PRKN: variants seen among roughly 807,000 people sequenced by gnomAD.
The protein encoded by PRKN is E3 ubiquitin-protein ligase parkin.
PRKN carries 56 observed loss-of-function variants against 59.5 expected under a neutral mutation model. That is an observed-to-expected ratio of 0.94 (90% CI 0.76 to 1.18). The LOEUF is 1.18. Among genes scored for constraint, PRKN ranks in the 50% most tolerant of loss-of-function variants. The pLI is 0.00. For missense variants in PRKN, 657 were observed against 596.4 expected, an observed-to-expected ratio of 1.10 and a Z score of -1.06; for synonymous variants, 250 against 222.1, an observed-to-expected ratio of 1.13 and a Z score of -1.12.
At chr6:161,504,527 C>CTTTTT (rs66831164) in intron 9 of PRKN, among the ~76,000 whole-genome samples, 91,385 of 149,104 alleles carry the variant, frequency 0.61, 28,355 homozygotes, top group Middle Eastern at 0.74. Flanking sequence ...GTGAAACTTT[C>CTTTTT]TTTTTTATTA....
intron 1 of PRKN, among the ~76,000 whole-genome samples, chr6:162,477,449 CTCTTA>C (rs1792074585): frequency 2.0e-5 from 3 of 152,136 alleles, no homozygotes; most frequent in Non-Finnish European, 1.5e-5. Flanking sequence ...ATCTATACTC[CTCTTA>C]TATCAACAGA....
At chr6:161,958,882 A>G (rs1253120685) in intron 6 of PRKN, among the ~76,000 whole-genome samples, 1 of 85,498 alleles carries the variant, frequency 1.2e-5, no homozygotes, top group Non-Finnish European at 3.5e-5. Flanking sequence ...CTCCATCTCA[A>G]AAAAAAAAAA....
chr6:161,744,863 T>C (rs529853779), intron 7 of PRKN, among the ~76,000 whole-genome samples: 1 of 152,346 alleles, frequency 6.6e-6, no homozygotes, highest in African/African-American at 2.4e-5. Context: ...CGGTGATAGA[T>C]GCCAGCAGCA....
At chr6:161,750,029 G>T (rs928643567) in intron 7 of PRKN, among the ~76,000 whole-genome samples, 2 of 151,638 alleles carry the variant, frequency 1.3e-5, no homozygotes, top group African/African-American at 4.9e-5. Flanking sequence ...GAATAGCCCA[G>T]TTGAAGCAAT....
intron 5 of PRKN, among the ~76,000 whole-genome samples, chr6:161,985,955 T>C (rs948727779): frequency 6.6e-6 from 1 of 152,336 alleles, no homozygotes; most frequent in East Asian, 1.9e-4. Flanking sequence ...TCAGTGTATC[T>C]ATCTTCAACC....
chr6:162,596,007 G>C (rs1194258469), intron 1 of PRKN, among the ~76,000 whole-genome samples: 1 of 150,912 alleles, frequency 6.6e-6, no homozygotes, highest in East Asian at 1.9e-4. Context: ...GATACATCTG[G>C]TGAAAAAAAA....
chr6:162,553,585 T>TAAAACACAG (rs1779419955), intron 1 of PRKN, among the ~76,000 whole-genome samples: 1 of 136,664 alleles, frequency 7.3e-6, no homozygotes, highest in Non-Finnish European at 1.6e-5. Context: ...GGAAAGAAAC[T>TAAAACACAG]AAAACACAGA....
chr6:161,811,395 T>A (rs764447550), intron 6 of PRKN, among the ~76,000 whole-genome samples: 2 of 152,180 alleles, frequency 1.3e-5, no homozygotes, highest in Non-Finnish European at 1.5e-5. Flanking sequence ...GCCAGTGTGG[T>A]ACTGGCATCA....
intron 5 of PRKN, among the ~76,000 whole-genome samples, chr6:161,987,670 C>T (rs1022490158): frequency 1.9e-4 from 29 of 151,820 alleles, no homozygotes; most frequent in African/African-American, 5.3e-4. Flanking sequence ...TATTTTCAGC[C>T]GATGATTGAA....
chr6:161,585,684 G>A (rs1284571882), intron 7 of PRKN, among the ~76,000 whole-genome samples: 2 of 152,172 alleles, frequency 1.3e-5, no homozygotes, highest in Non-Finnish European at 2.9e-5. Context: ...ATGAGTTTCA[G>A]GCTTTGTTGC....
At chr6:161,481,576 C>T (rs1791400493) in intron 9 of PRKN, among the ~76,000 whole-genome samples, 2 of 151,980 alleles carry the variant, frequency 1.3e-5, no homozygotes, top group African/African-American at 4.8e-5. Flanking sequence ...TGCACTAGAA[C>T]CTGGCGACAG....
intron 7 of PRKN, among the ~76,000 whole-genome samples, chr6:161,778,215 G>A (rs1470043484): frequency 9.2e-5 from 14 of 152,038 alleles, no homozygotes; most frequent in Admixed American, 1.3e-4. Flanking sequence ...ATTCCAATTT[G>A]TGGTGATCAA....
chr6:162,188,965 A>G (rs1313819187), intron 4 of PRKN, among the ~76,000 whole-genome samples: 3 of 152,144 alleles, frequency 2.0e-5, no homozygotes, highest in Non-Finnish European at 2.9e-5. Flanking sequence ...ATTATCTTCT[A>G]TAGGAGGGAA....
chr6:161,580,042 G>C (rs771948234), intron 7 of PRKN, among the ~76,000 whole-genome samples: 1 of 152,106 alleles, frequency 6.6e-6, no homozygotes, highest in Non-Finnish European at 1.5e-5. Flanking sequence ...ATGCTGGGGT[G>C]AGATACATTT....
chr6:162,491,641 C>A (rs1302442783), intron 1 of PRKN, among the ~76,000 whole-genome samples: 1 of 152,150 alleles, frequency 6.6e-6, no homozygotes, highest in Admixed American at 6.5e-5. Context: ...CCTGGGGGAG[C>A]AAGGCAGCTG....
intron 1 of PRKN, among the ~76,000 whole-genome samples, chr6:162,684,178 G>T (rs1251484705): frequency 6.6e-6 from 1 of 151,978 alleles, no homozygotes; most frequent in East Asian, 1.9e-4. Flanking sequence ...ATGCAGGCTG[G>T]ATTTTACTGA....
intron 2 of PRKN, among the ~76,000 whole-genome samples, chr6:162,319,995 A>G (rs2128121212): frequency 6.6e-6 from 1 of 151,960 alleles, no homozygotes; most frequent in East Asian, 1.9e-4. Flanking sequence ...TCCATTGTCT[A>G]TGACTGCACA....
chr6:162,113,618 T>C (rs1193572214), intron 4 of PRKN, among the ~76,000 whole-genome samples: 1 of 152,236 alleles, frequency 6.6e-6, no homozygotes, highest in Non-Finnish European at 1.5e-5. Context: ...CACTTATGTC[T>C]GAAAGTCAAA....
chr6:161,762,004 C>T (rs1261462386), intron 7 of PRKN, among the ~76,000 whole-genome samples: 2 of 152,048 alleles, frequency 1.3e-5, no homozygotes, highest in African/African-American at 2.4e-5. Flanking sequence ...AGCTACAGAG[C>T]GAGAGTGGGC....
Sources: allele counts gnomAD v4.1 joint callset (sites outside exome capture counted in the v4.1 genomes callset), GRCh38; gene constraint gnomAD v4.1.1; transcripts MANE v1.5; gene names NCBI Gene and HGNC (gene_info 2026-07-23, HGNC 2026-07-21).